The following DOCK3 variants were observed in gnomAD, a reference collection of about 807,000 sequenced individuals.
DOCK3 encodes the protein dedicator of cytokinesis 3, also known as dedicator of cytokinesis protein 3.
In DOCK3, 60 loss-of-function variants were observed where a neutral mutation model predicts 265.6. The ratio of observed to expected loss-of-function variants is 0.23; its 90% CI spans 0.18 to 0.28. The LOEUF is 0.28. Ranked by LOEUF, DOCK3 falls within the 10% of genes least tolerant of loss-of-function variation. The probability of loss-of-function intolerance (pLI) is 1.00; values close to 1 mark genes in which losing one functional copy is unlikely to be tolerated. For missense variants in DOCK3, 1,981 were observed against 2,594.3 expected, an observed-to-expected ratio of 0.76 and a Z score of 5.14; for synonymous variants, 881 against 938.0, an observed-to-expected ratio of 0.94 and a Z score of 1.11.
intron 12 of DOCK3, among the ~76,000 whole-genome samples, chr3:51,204,060 C>T (rs201779045): frequency 0.065 from 9,592 of 147,314 alleles, 523 homozygotes; most frequent in East Asian, 0.29. Flanking sequence ...ACCATAAAAA[C>T]CCTAGAAGAA....
At chr3:51,221,630 G>A (rs1275905078) in intron 14 of DOCK3, among the ~76,000 whole-genome samples, 2 of 152,096 alleles carry the variant, frequency 1.3e-5, no homozygotes, top group East Asian at 1.9e-4. Context: ...ACTTTATTCC[G>A]AGACCCTCTT....
intron 32 of DOCK3, among the ~76,000 whole-genome samples, chr3:51,316,566 A>G (rs1464250967): frequency 1.3e-5 from 2 of 152,226 alleles, no homozygotes; most frequent in African/African-American, 2.4e-5. Context: ...TAGCTATACC[A>G]TTTTGAAGTC....
chr3:50,967,756 C>T (rs2077074101), intron 5 of DOCK3, among the ~76,000 whole-genome samples: 1 of 152,106 alleles, frequency 6.6e-6, no homozygotes, highest in Admixed American at 6.5e-5. Context: ...AACTAACTTA[C>T]TATCACGAGA....
At chr3:50,879,822 A>C (rs2047932001) in intron 3 of DOCK3, among the ~76,000 whole-genome samples, 1 of 152,234 alleles carries the variant, frequency 6.6e-6, no homozygotes, top group Non-Finnish European at 1.5e-5. Context: ...AATCAACAGA[A>C]TATACATTTT....
chr3:51,362,034 A>C, intron 48 of DOCK3, 37 bp downstream of exon 48: 1 of 1,576,326 alleles, frequency 6.3e-7, no homozygotes, highest in Non-Finnish European at 8.6e-7. Flanking sequence ...CCAGGGCACC[A>C]TGCCTACAGA....
At chr3:51,300,581 A>C (rs1020930662) in intron 27 of DOCK3, among the ~76,000 whole-genome samples, 5 of 152,132 alleles carry the variant, frequency 3.3e-5, no homozygotes, top group South Asian at 2.1e-4. Context: ...TTCCATCAAT[A>C]CCTAGTTTAT....
chr3:50,928,126 A>G (rs1337988393), intron 4 of DOCK3, among the ~76,000 whole-genome samples: 2 of 65,132 alleles, frequency 3.1e-5, no homozygotes, highest in African/African-American at 7.7e-5. Context: ...TTTTATTGTG[A>G]TGATATATAT....
intron 5 of DOCK3, among the ~76,000 whole-genome samples, chr3:50,966,612 C>T (rs1001702139): frequency 1.3e-5 from 2 of 150,118 alleles, no homozygotes; most frequent in Non-Finnish European, 3.0e-5. Context: ...CCTTTTCATA[C>T]ACCTGTTGCC....
At chr3:50,799,992 T>G (rs1159773165) in intron 2 of DOCK3, among the ~76,000 whole-genome samples, 4 of 152,340 alleles carry the variant, frequency 2.6e-5, no homozygotes, top group African/African-American at 9.6e-5. Flanking sequence ...ATATGATGTA[T>G]GATGTTTGTT....
chr3:51,126,365 C>T (rs572375594), intron 9 of DOCK3, among the ~76,000 whole-genome samples: 1 of 152,202 alleles, frequency 6.6e-6, no homozygotes, highest in South Asian at 2.1e-4. Flanking sequence ...TTTTTGGCAT[C>T]GGGGGCCAAG....
intron 48 of DOCK3, 116 bp from the exon 49 acceptor site, chr3:51,362,411 G>A: frequency 7.4e-7 from 1 of 1,360,322 alleles, no homozygotes; most frequent in South Asian, 1.4e-5. Context: ...AGGGCTCAGG[G>A]GATAGCATAA....
intron 35 of DOCK3, among the ~76,000 whole-genome samples, chr3:51,334,946 T>C (rs1364341210): frequency 6.6e-6 from 1 of 152,194 alleles, no homozygotes; most frequent in African/African-American, 2.4e-5. Flanking sequence ...AAGTCTTTAA[T>C]ATGGCATCAC....
intron 5 of DOCK3, among the ~76,000 whole-genome samples, chr3:51,000,434 G>A (rs1387951200): frequency 1.3e-5 from 2 of 152,188 alleles, no homozygotes; most frequent in African/African-American, 4.8e-5. Flanking sequence ...ACAGCTTGCT[G>A]CCTGACTGCT....
intron 5 of DOCK3, among the ~76,000 whole-genome samples, chr3:51,016,003 ATC>A: frequency 3.4e-4 from 6 of 17,856 alleles, no homozygotes; most frequent in Admixed American, 9.2e-4. Context: ...TAATATATAT[ATC>A]ATATATTTCT....
At chr3:50,687,815 A>AGTTTTCCTG (rs2034937657) in intron 1 of DOCK3, among the ~76,000 whole-genome samples, 2 of 152,228 alleles carry the variant, frequency 1.3e-5, no homozygotes, top group Non-Finnish European at 2.9e-5. Context: ...CCTGATATGT[A>AGTTTTCCTG]ATCATTCAAA....
chr3:51,145,610 A>G (rs2085263998), intron 9 of DOCK3, among the ~76,000 whole-genome samples: 1 of 151,940 alleles, frequency 6.6e-6, no homozygotes, highest in African/African-American at 2.4e-5. Context: ...TTTTATTTTT[A>G]TTTTTTAGCT....
intron 40 of DOCK3, among the ~76,000 whole-genome samples, chr3:51,352,075 G>A (rs1428725245): frequency 4.6e-5 from 7 of 152,160 alleles, no homozygotes; most frequent in Admixed American, 4.6e-4. Context: ...GATCATATAA[G>A]AATAATGGAA....
Position 50,747,485 on chromosome 3 carries a change from A to G in DOCK3, c.38-31190A>G, listed in dbSNP as rs9872828. Among the ~76,000 whole-genome samples the G allele has an allele frequency of 2.8e-3, 426 of 152,298 alleles. 3 individuals carry two copies. The highest frequency in any genetic ancestry group is 9.8e-3 in the African/African-American group (408 of 41,558). On this transcript the variant is annotated intron_variant, in intron 1 of 52. Transcript: ENST00000266037. The stretch of plus-strand genomic sequence containing the variant: ...TTTTTTCAGAAATATTTTAGTTATC[A>G]GTATGCAGATGTTTCATTTATTTTG...
chr3:51,253,549 A>G (rs959946143), intron 22 of DOCK3, among the ~76,000 whole-genome samples: 1 of 151,956 alleles, frequency 6.6e-6, no homozygotes. Context: ...AGAGCCTATT[A>G]TTGGTCTATT....
Sources: gnomAD v4.1 joint callset for allele counts (sites outside exome capture counted in the v4.1 genomes callset) on GRCh38, gnomAD v4.1.1 for gene constraint, MANE v1.5 for transcripts, NCBI Gene and HGNC (gene_info 2026-07-23, HGNC 2026-07-21) for gene names.